ANKRD44: variants seen among roughly 807,000 people sequenced by gnomAD.
ANKRD44 encodes serine/threonine-protein phosphatase 6 regulatory ankyrin repeat subunit B.
A neutral mutation model predicts 116.0 loss-of-function variants in ANKRD44; 35 were observed. That is an observed-to-expected ratio of 0.30 (90% CI 0.23 to 0.40). ANKRD44 has a LOEUF of 0.40. Among genes scored for constraint, ANKRD44 ranks in the 10% least tolerant of loss-of-function variants. ANKRD44 has a pLI of 1.00. For missense variants in ANKRD44, 1,014 were observed against 1,242.6 expected (o/e 0.82, Z 2.77); for synonymous variants, 435 against 461.8 (o/e 0.94, Z 0.74).
intron 1 of ANKRD44, among the ~76,000 whole-genome samples, chr2:197,309,583 G>A (rs752237381): frequency 6.6e-6 from 1 of 152,182 alleles, no homozygotes; most frequent in Non-Finnish European, 1.5e-5. Flanking sequence ...CCAAGGGCTG[G>A]CAAGTCTGAC....
intron 16 of ANKRD44, among the ~76,000 whole-genome samples, chr2:197,057,910 T>A (rs1300417869): frequency 6.6e-6 from 1 of 152,220 alleles, no homozygotes; most frequent in Non-Finnish European, 1.5e-5. Context: ...AATTTTTTGA[T>A]GATTTCTTTG....
intron 1 of ANKRD44, among the ~76,000 whole-genome samples, chr2:197,276,926 A>AT (rs371691153): frequency 0.02 from 2,754 of 135,986 alleles, 31 homozygotes; most frequent in African/African-American, 0.026. Flanking sequence ...GAACCCAGGA[A>AT]TTTTTTTTTT....
Position 197,126,006 on chromosome 2 carries a change from G to T in ANKRD44, c.293C>A (p.Ala98Asp). The change falls in exon 5 of 28, where the codon GCT becomes GAT. Residue 98 changes from alanine (A) to aspartate (D), a missense_variant. By Grantham distance (126) the Ala-to-Asp change is moderately radical (BLOSUM62 -2). Coordinates refer to ENST00000282272, the MANE Select transcript of ANKRD44 (RefSeq NM_001195144.2). ...GTTCTTGTCCCTTGCATTGACATCA[G>T]CTGAGTGCTTAATCAAAACCTGTAC... is the stretch of plus-strand genomic sequence containing the variant. ...EAVQVLIKHS[A>D]DVNARDKNWQ... 2 of 1,614,206 alleles carry T rather than the reference G, an allele frequency of 1.2e-6. No individual in the cohort carries two copies. The highest frequency in any genetic ancestry group is 1.7e-6 in the Non-Finnish European group (2 of 1,180,040).
chr2:197,285,956 C>A (rs543206964), intron 1 of ANKRD44, among the ~76,000 whole-genome samples: 1 of 152,318 alleles, frequency 6.6e-6, no homozygotes, highest in South Asian at 2.1e-4. Flanking sequence ...CCATCTCTCA[C>A]ACAAAATGCC....
intron 9 of ANKRD44, among the ~76,000 whole-genome samples, chr2:197,104,945 C>G (rs1204318594): frequency 6.6e-6 from 1 of 152,144 alleles, no homozygotes; most frequent in Non-Finnish European, 1.5e-5. Flanking sequence ...AACTTGCTGC[C>G]AGTAAGTTTA....
At chr2:197,134,895 G>A (rs953714544) in intron 4 of ANKRD44, 1 of 152,162 alleles carries the variant, frequency 6.6e-6, no homozygotes, top group African/African-American at 2.4e-5. Context: ...TGAAGGGGTT[G>A]GTCTCATGAA....
intron 16 of ANKRD44, among the ~76,000 whole-genome samples, chr2:197,051,180 C>T (rs1315096953): frequency 2.0e-5 from 3 of 151,814 alleles, no homozygotes; most frequent in African/African-American, 4.8e-5. Context: ...AGGCTGGTCT[C>T]GAACTCCATG....
chr2:197,073,983 CA>C (rs954460653), intron 16 of ANKRD44, among the ~76,000 whole-genome samples: 7 of 151,270 alleles, frequency 4.6e-5, no homozygotes, highest in Non-Finnish European at 7.4e-5. Context: ...TGCCACATTA[CA>C]AAAAAAATGG....
intron 1 of ANKRD44, among the ~76,000 whole-genome samples, chr2:197,191,458 G>C (rs1343620954): frequency 6.6e-6 from 1 of 152,242 alleles, no homozygotes; most frequent in African/African-American, 2.4e-5. Context: ...CTAATCAGCC[G>C]AAAGCCACTT....
intron 16 of ANKRD44, among the ~76,000 whole-genome samples, chr2:197,037,859 T>C (rs2076836353): frequency 6.6e-6 from 1 of 152,110 alleles, no homozygotes; most frequent in Admixed American, 6.5e-5. Context: ...GGAGGGTCGC[T>C]TGAGCCCAGG....
At chr2:197,266,094 C>T (rs181646235) in intron 1 of ANKRD44, among the ~76,000 whole-genome samples, 1 of 152,120 alleles carries the variant, frequency 6.6e-6, no homozygotes, top group African/African-American at 2.4e-5. Flanking sequence ...GTTGTGCTTT[C>T]GTGGGAAAAT....
At chr2:197,258,456 A>G (rs559781288) in intron 1 of ANKRD44, among the ~76,000 whole-genome samples, 3 of 152,162 alleles carry the variant, frequency 2.0e-5, no homozygotes, top group South Asian at 4.2e-4. Flanking sequence ...AATAATATTC[A>G]CATATATCAC....
intron 1 of ANKRD44, among the ~76,000 whole-genome samples, chr2:197,307,958 C>G (rs928687246): frequency 1.3e-5 from 2 of 152,014 alleles, no homozygotes; most frequent in Non-Finnish European, 2.9e-5. Flanking sequence ...CTGTTTGAGC[C>G]CAAGAGTTTG....
chr2:197,141,929 AAAGG>A (rs2079377854), intron 3 of ANKRD44, among the ~76,000 whole-genome samples: 1 of 152,212 alleles, frequency 6.6e-6, no homozygotes, highest in African/African-American at 2.4e-5. Flanking sequence ...GATTTTTTCT[AAAGG>A]AAGCTTCACA....
At chr2:197,077,370 C>T (rs913530365) in intron 16 of ANKRD44, among the ~76,000 whole-genome samples, 6 of 152,098 alleles carry the variant, frequency 3.9e-5, no homozygotes, top group Admixed American at 3.9e-4. Flanking sequence ...CTTTCAGAAC[C>T]CTTTCCTCCT....
In ANKRD44 at chr2:196,986,704, T is replaced by A; in HGVS notation, c.*2887A>T. On this transcript the variant is annotated 3_prime_UTR_variant, in exon 28 of 28. Transcript: ENST00000282272. ...CCGTTTTTATTTGTAAAAATAACCA[T>A]CTGAATGCATTTCCATAGTATATTA... 1 of 975,794 alleles carries A rather than the reference T, an allele frequency of 1.0e-6. No individual in the cohort carries two copies. The highest frequency in any genetic ancestry group is 1.2e-6 in the Non-Finnish European group (1 of 821,194). 60.4% of individuals were successfully genotyped at this position (975,794 alleles called of 1,614,324 possible).
chr2:197,104,696 T>C (rs2125246555), intron 9 of ANKRD44, among the ~76,000 whole-genome samples: 1 of 152,342 alleles, frequency 6.6e-6, no homozygotes, highest in African/African-American at 2.4e-5. Context: ...TATTGGCCAT[T>C]ATAACTAACA....
chr2:196,970,164 T>A (rs2075705364), intron 21 of ANKRD44, among the ~76,000 whole-genome samples: 1 of 152,198 alleles, frequency 6.6e-6, no homozygotes, highest in Non-Finnish European at 1.5e-5. Flanking sequence ...TGGGCACATC[T>A]CCTTAACCTC....
chr2:196,973,679 C>A (rs1176553474), intron 21 of ANKRD44, among the ~76,000 whole-genome samples: 2 of 152,256 alleles, frequency 1.3e-5, no homozygotes, highest in Non-Finnish European at 2.9e-5. Context: ...TGTGTATCCC[C>A]CTCTCATGCT....
Sources: allele counts gnomAD v4.1 joint callset (sites outside exome capture counted in the v4.1 genomes callset), GRCh38; gene constraint gnomAD v4.1.1; transcripts MANE v1.5; gene names NCBI Gene and HGNC (gene_info 2026-07-23, HGNC 2026-07-21).